ZFP41: variants seen among roughly 807,000 people sequenced by gnomAD.
The protein encoded by ZFP41 is zinc finger protein 41 homolog.
In ZFP41, 10 loss-of-function variants were observed where a neutral mutation model predicts 11.6. That is an observed-to-expected ratio of 0.86 (90% confidence interval 0.53 to 1.47). The LOEUF is 1.47. Ranked by LOEUF, ZFP41 falls within the 40% of genes most tolerant of loss-of-function variation. ZFP41 has a pLI of 0.00. For missense variants in ZFP41, 302 were observed against 264.6 expected, an observed-to-expected ratio of 1.14 and a Z score of -0.98; for synonymous variants, 123 against 100.9, an observed-to-expected ratio of 1.22 and a Z score of -1.31.
Position 143,249,671 on chromosome 8 carries a change from T to G in ZFP41, c.-154-19T>G. On this transcript the variant is annotated intron_variant, in intron 1 of 2. Coordinates refer to ENST00000330701, the MANE Select transcript of ZFP41 (RefSeq NM_173832.6). ...AGGCAAACCTTTAATCTGAGGTTCA[T>G]GTTCTTGCTTCTCCCCAGCACCAAG... 9.2e-7 allele frequency: 1 copy of G among 1,082,900 alleles called. No homozygotes were observed. 67.1% of individuals were successfully genotyped at this position (1,082,900 alleles called of 1,614,324 possible). A position where few individuals can be genotyped will look rare whatever the true frequency, so the allele number is the denominator to read the frequency against.
chr8:143,252,622 A>G, intron 2 of ZFP41: 4 of 985,134 alleles, frequency 4.1e-6, no homozygotes, highest in Non-Finnish European at 4.8e-6. Context: ...TGGCTTCTCA[A>G]TGGCCCGTGG....
Position 143,250,563 on chromosome 8 carries a change from G to T in ZFP41, c.*123G>T. ...CCGTGCGCACTGTGTTCCGTGCCCT[G>T]GGGACCCCCGGAAAAGCAGCCCAGT... is the stretch of plus-strand genomic sequence containing the variant. On this transcript the variant is annotated 3_prime_UTR_variant, in exon 2 of 3. Coordinates refer to ENST00000330701, the MANE Select transcript of ZFP41 (RefSeq NM_173832.6). 1 of 1,471,042 alleles carries T rather than the reference G, an allele frequency of 6.8e-7. No homozygotes were observed. The allele number at this position is 1,471,042 out of a possible 1,614,324, so 91.1% of individuals were successfully genotyped here.
rs998324510 is a variant in ZFP41 at position 143,262,524 on chromosome 8, C to G, written c.*3650C>G. 1 of 152,312 alleles carries G rather than the reference C, an allele frequency of 6.6e-6. No individual in the cohort carries two copies. Among genetic ancestry groups the G allele is most frequent in the East Asian group, 1.9e-4 (1 of 5,204 alleles). 9.4% of individuals were successfully genotyped at this position (152,312 alleles called of 1,614,324 possible). ...AGTCCTTGGTAAGTGTCCTGTGCAT[C>G]TGGGATAAGCATCCGTTTGTTTTCA... On this transcript the variant is annotated 3_prime_UTR_variant, in exon 3 of 3. Coordinates refer to ENST00000330701, the MANE Select transcript of ZFP41 (RefSeq NM_173832.6).
rs560783726 is a variant in ZFP41, at chr8:143,255,769, G to A, written c.*901-4006G>A. Among the ~76,000 whole-genome samples, 569 of 109,950 alleles carry A rather than the reference G, an allele frequency of 5.2e-3. 2 individuals are homozygous for A. Among genetic ancestry groups the A allele is most frequent in the Non-Finnish European group, 8.1e-3 (446 of 54,810 alleles). The allele number at this position is 109,950 out of a possible 152,430, so 72.1% of individuals were successfully genotyped here. On this transcript the variant is annotated intron_variant, in intron 2 of 2. Coordinates refer to ENST00000330701, the MANE Select transcript of ZFP41 (RefSeq NM_173832.6). ...TTAGTGAGATCAGGGCTCTCCCCGC[G>A]TGCTAGAGTTAGTGAGATCAGGGCT...
Position 143,250,230 on chromosome 8 carries a change from C to T in ZFP41, c.387C>T (p.Asp129=), listed in dbSNP as rs573228506. 58 of 1,614,068 alleles carry T rather than the reference C, an allele frequency of 3.6e-5. No individual in the cohort carries two copies. Among genetic ancestry groups the T allele is most frequent in the South Asian group, 3.3e-4 (30 of 91,082 alleles). ...QCGKAFRHSS[D]VTKHQRTHTG... is the part of the protein sequence containing the mutation. ...GGAAGGCCTTCCGGCACAGCTCTGA[C>T]GTCACCAAACACCAGAGGACTCACA... Residue 129 remains aspartate, a synonymous_variant, in exon 2 of 3, where the codon GAC becomes GAT. Coordinates refer to ENST00000330701, the MANE Select transcript of ZFP41 (RefSeq NM_173832.6).
chr8:143,255,051 G>T (rs985703203), intron 2 of ZFP41, among the ~76,000 whole-genome samples: 2 of 152,180 alleles, frequency 1.3e-5, no homozygotes, highest in African/African-American at 4.8e-5. Context: ...CCAGCCCCAG[G>T]TCATGCCCAC....
intron 2 of ZFP41, among the ~76,000 whole-genome samples, chr8:143,255,774 A>G (rs13254894): frequency 5.6e-3 from 206 of 36,520 alleles, no homozygotes; most frequent in South Asian, 9.3e-3. Flanking sequence ...CCCGCGTGCT[A>G]GAGTTAGTGA....
Position 143,249,777 on chromosome 8 carries a change from T to C in ZFP41, c.-67T>C, listed in dbSNP as rs1364626977. On this transcript the variant is annotated 5_prime_UTR_variant, in exon 2 of 3. Coordinates refer to ENST00000330701, the MANE Select transcript of ZFP41 (RefSeq NM_173832.6). ...GGAGAGGTGCGTGGGAAGCAAGCCATTGAGGAAGTGGGGCCAACAGAGAGG... is the reference window on the plus strand; with the variant it reads ...GGAGAGGTGCGTGGGAAGCAAGCCACTGAGGAAGTGGGGCCAACAGAGAGG... The C allele has an allele frequency of 7.9e-6, 12 of 1,511,836 alleles. No individual in the cohort carries two copies. Among genetic ancestry groups the C allele is most frequent in the African/African-American group, 1.4e-5 (1 of 71,602 alleles). 93.7% of individuals were successfully genotyped at this position (1,511,836 alleles called of 1,614,324 possible).
In ZFP41 at chr8:143,261,746, G is replaced by A. The variant is rs969053770; in HGVS notation, c.*2872G>A. The A allele has an allele frequency of 3.7e-5, 7 of 189,250 alleles. No individual in the cohort carries two copies. Among genetic ancestry groups the A allele is most frequent in the Admixed American group, 3.3e-4 (5 of 15,352 alleles). The allele number at this position is 189,250 out of a possible 1,614,324, so 11.7% of individuals were successfully genotyped here. A position where few individuals can be genotyped will look rare whatever the true frequency, so the allele number is the denominator to read the frequency against. On this transcript the variant is annotated 3_prime_UTR_variant, in exon 3 of 3. Transcript: ENST00000330701. ...GGGTTCCTGGACACGCCTCTGAGCC[G>A]GCAGCCCCTACCCGCACCCGTGCAC...
intron 2 of ZFP41, among the ~76,000 whole-genome samples, chr8:143,253,774 C>G (rs1378695664): frequency 1.3e-5 from 2 of 152,118 alleles, no homozygotes; most frequent in African/African-American, 2.4e-5. Flanking sequence ...GGCTTGGTGC[C>G]CTCCTCACAG....
At position 143,258,456 on chromosome 8, in the gene ZFP41, C is replaced by T. The variant is rs548917338; in HGVS notation, c.*901-1319C>T. Among the ~76,000 whole-genome samples the T allele has an allele frequency of 3.9e-5, 6 of 152,312 alleles. No homozygotes were observed. In the South Asian group the frequency reaches 8.3e-4, roughly 21 times the overall value. On this transcript the variant is annotated intron_variant, in intron 2 of 2. Coordinates refer to ENST00000330701, the MANE Select transcript of ZFP41 (RefSeq NM_173832.6). ...AGGAGCCATGTCCTGGAGTCACCCT[C>T]GGGAGAGCCTCAAGACCCTGTCATG...
chr8:143,256,856 G>A (rs1044795695), intron 2 of ZFP41, among the ~76,000 whole-genome samples: 3 of 152,148 alleles, frequency 2.0e-5, no homozygotes, highest in East Asian at 1.9e-4. Context: ...AACTCCTGAC[G>A]TCACAGCAGG....
rs571707665 is a variant in ZFP41 at position 143,260,381 on chromosome 8, C to T, written c.*1507C>T. On this transcript the variant is annotated 3_prime_UTR_variant, in exon 3 of 3. Transcript: ENST00000330701. The stretch of plus-strand genomic sequence containing the variant: ...TCCTAGTGGGGCAGTGGGCGCGGGG[C>T]GGGGGCTCCTGACTCCGGTGAGGTC... 198 of 155,310 alleles carry T rather than the reference C, an allele frequency of 1.3e-3. 2 individuals carry two copies. In the South Asian group the frequency reaches 0.016, roughly 13 times the overall value. The allele number at this position is 155,310 out of a possible 1,614,324, so 9.6% of individuals were successfully genotyped here.
chr8:143,259,119 G>T (rs2130720827), intron 2 of ZFP41, among the ~76,000 whole-genome samples: 1 of 152,370 alleles, frequency 6.6e-6, no homozygotes, highest in Middle Eastern at 3.4e-3. Flanking sequence ...AGCGAAGCGG[G>T]TAAATCATGG....
In ZFP41 at chr8:143,250,341, C is replaced by T. The variant is rs139798965; in HGVS notation, c.498C>T (p.Thr166=). 6.4e-5 allele frequency: 103 copies of T among 1,613,944 alleles called. No individual in the cohort carries two copies. In the African/African-American group the frequency reaches 1.1e-3, roughly 17 times the overall value. The part of the protein sequence containing the change: ...SNLLKHQKTH[T]GEKPYECTHC... The stretch of plus-strand genomic sequence containing the variant: ...TCCTGAAACATCAGAAGACGCACAC[C>T]GGGGAGAAGCCCTACGAATGCACGC... The change falls in exon 2 of 3, where the codon ACC becomes ACT. Residue 166 remains threonine, a synonymous_variant. Coordinates refer to ENST00000330701, the MANE Select transcript of ZFP41 (RefSeq NM_173832.6).
rs915725238 is a variant in ZFP41 at position 143,249,918 on chromosome 8, CAGAG to C, written c.78_81del (p.Glu27ArgfsTer25). ...AGGCAGACGTGCAGAAGAGTGCGCT[CAGAG>C]AGGAGAAGGTGTCCGGGGACAGAAA... On this transcript the variant is annotated frameshift_variant, in exon 2 of 3. Transcript: ENST00000330701. LOFTEE classifies it high-confidence loss of function. 2.5e-6 allele frequency: 4 copies of C among 1,613,612 alleles called. No individual in the cohort carries two copies. The highest frequency in any genetic ancestry group is 2.2e-5 in the East Asian group (1 of 44,874).
At chr8:143,254,695 C>T (rs1467946542) in intron 2 of ZFP41, among the ~76,000 whole-genome samples, 4 of 145,230 alleles carry the variant, frequency 2.8e-5, no homozygotes, top group Non-Finnish European at 6.0e-5. Context: ...TGCAGTGGCA[C>T]GATCTCAGCT....
At chr8:143,256,899 GA>G (rs1814927985) in intron 2 of ZFP41, among the ~76,000 whole-genome samples, 1 of 152,230 alleles carries the variant, frequency 6.6e-6, no homozygotes, top group African/African-American at 2.4e-5. Context: ...ACAGACAGAT[GA>G]ATTCCTGATG....
chr8:143,259,889 G>C lies in ZFP41; in HGVS notation c.*1015G>C, dbSNP rs995001237. The C allele has an allele frequency of 6.6e-6, 1 of 152,384 alleles. No homozygotes were observed. The highest frequency in any genetic ancestry group is 2.4e-5 in the African/African-American group (1 of 41,470). 9.4% of individuals were successfully genotyped at this position (152,384 alleles called of 1,614,324 possible). A position where few individuals can be genotyped will look rare whatever the true frequency, so the allele number is the denominator to read the frequency against. On this transcript the variant is annotated 3_prime_UTR_variant, in exon 3 of 3. Coordinates refer to ENST00000330701, the MANE Select transcript of ZFP41 (RefSeq NM_173832.6). ...ATTCCTCAGTTAGAGGAGGAGCAGA[G>C]ATGAAGAAAAGGAGAAGAAAAGCGC...
Sources: allele counts gnomAD v4.1 joint callset (sites outside exome capture counted in the v4.1 genomes callset), GRCh38; gene constraint gnomAD v4.1.1; transcripts MANE v1.5; gene names NCBI Gene and HGNC (gene_info 2026-07-23, HGNC 2026-07-21).